Variants in MAN2C1 observed in about 807,000 individuals in gnomAD.
MAN2C1 encodes mannosidase alpha class 2C member 1.
A neutral mutation model predicts 126.9 loss-of-function variants in MAN2C1; 111 were observed. The ratio of observed to expected loss-of-function variants is 0.87; its 90% CI spans 0.75 to 1.02. The LOEUF (loss-of-function observed/expected upper bound fraction) is 1.02, where lower values mean the gene tolerates loss of function less well. Among genes scored for constraint, MAN2C1 ranks in the 50% least tolerant of loss-of-function variants. The pLI is 0.00. For synonymous variants in MAN2C1, 567 were observed against 561.5 expected (o/e 1.01, Z -0.14); for missense variants, 1,363 against 1,364.4 (o/e 1.00, Z 0.02).
chr15:75,366,644 A>C, intron 3 of MAN2C1, 52 bp from the exon 4 acceptor site: 2 of 1,420,286 alleles, frequency 1.4e-6, no homozygotes, highest in Non-Finnish European at 1.9e-6. Context: ...TGGACAGTTC[A>C]GGTAAAGTGT....
chr15:75,357,937 T>C (rs1411233247), intron 21 of MAN2C1: 1 of 414,160 alleles, frequency 2.4e-6, no homozygotes, highest in East Asian at 4.9e-5. Context: ...GTATTTTTAG[T>C]AGAGATGGCG....
Position 75,356,402 on chromosome 15 carries a change from A to G in MAN2C1, c.2785T>C (p.Phe929Leu). The G allele has an allele frequency of 1.2e-6, 2 of 1,610,598 alleles. No individual in the cohort carries two copies. Among genetic ancestry groups the G allele is most frequent in the Non-Finnish European group, 1.7e-6 (2 of 1,178,824 alleles). ...GVIQAAYSLNFPLLALPAPSP... is the reference protein window; with the variant it reads ...GVIQAAYSLNLPLLALPAPSP... ...GGGGCTGGCAGAGCCAACAGGGGGA[A>G]GTTTAGGCTGTAGGCAGCTTGGATA... Residue 929 changes from phenylalanine (F) to leucine (L), a missense_variant, in exon 24 of 26, where the codon TTC becomes CTC. By Grantham distance (22) the Phe-to-Leu change is conservative. Transcript: ENST00000267978. The surrounding 1 kb of genome is among the most constrained non-coding windows in gnomAD (Gnocchi z 5.8).
rs915180438 is a variant in MAN2C1 at position 75,362,834 on chromosome 15, C to A, written c.791-86G>T. On this transcript the variant is annotated intron_variant, in intron 6 of 25. Transcript: ENST00000267978. This position sits in a 1 kb window ranked among gnomAD's most constrained non-coding sequence, Gnocchi z 4.5. ...GACTCCAGAGGGTCACCTAGCCCCC[C>A]TCCCATCCCAGGCCCTTCACCCTGG... 1 of 1,124,958 alleles carries A rather than the reference C, an allele frequency of 8.9e-7. No homozygotes were observed. Among genetic ancestry groups the A allele is most frequent in the Non-Finnish European group, 1.3e-6 (1 of 753,022 alleles). 69.7% of individuals were successfully genotyped at this position (1,124,958 alleles called of 1,614,324 possible). A position where few individuals can be genotyped will look rare whatever the true frequency, so the allele number is the denominator to read the frequency against.
chr15:75,367,695 G>C lies in MAN2C1; in HGVS notation c.228-61C>G, dbSNP rs184650998. ...AAGTCCTATCCTGATATCCTTCCTT[G>C]GATAAAGTGTCGGCAGGGGCTTGAA... On this transcript the variant is annotated intron_variant, in intron 2 of 25. Coordinates refer to ENST00000267978, the MANE Select transcript of MAN2C1 (RefSeq NM_006715.4). 35 of 1,597,432 alleles carry C rather than the reference G, an allele frequency of 2.2e-5. No homozygotes were observed. The African/African-American group carries it at 3.8e-4, about 17-fold the overall frequency.
In MAN2C1 at chr15:75,362,693, G is replaced by A. The variant is rs764314594; in HGVS notation, c.846C>T (p.Thr282=). ...GGTTCCGCTCCATGAGCTGCAGGGC[G>A]GTCACCCAGCTCCGGGCACATTTCC... ...TVRKCARSWV[T]ALQLMERNPE... is the part of the protein sequence containing the mutation. The change falls in exon 7 of 26, where the codon ACC becomes ACT. Residue 282 remains threonine (T), a synonymous_variant. Transcript: ENST00000267978. This position sits in a 1 kb window ranked among gnomAD's most constrained non-coding sequence, Gnocchi z 4.5. 33 of 1,613,992 alleles carry A rather than the reference G, an allele frequency of 2.0e-5. No individual in the cohort carries two copies. The highest frequency in any genetic ancestry group is 8.8e-5 in the South Asian group (8 of 91,088).
At position 75,362,939 on chromosome 15, in the gene MAN2C1, G is replaced by A. The variant is rs114099271; in HGVS notation, c.791-191C>T. The A allele has an allele frequency of 9.6e-4, 571 of 593,522 alleles. 1 individual carries two copies. The highest frequency in any genetic ancestry group is 9.1e-3 in the African/African-American group (489 of 53,830). The allele number at this position is 593,522 out of a possible 1,614,324, so 36.8% of individuals were successfully genotyped here. ...GGAGGAGGGGCTGGGGAAAGGAGGC[G>A]GCAGTGCTATGAGGCCAATTATACA... is the stretch of plus-strand genomic sequence containing the variant. On this transcript the variant is annotated intron_variant, in intron 6 of 25. Coordinates refer to ENST00000267978, the MANE Select transcript of MAN2C1 (RefSeq NM_006715.4). The surrounding 1 kb of genome is among the most constrained non-coding windows in gnomAD (Gnocchi z 4.5).
Position 75,364,631 on chromosome 15 carries a change from G to A in MAN2C1, c.457C>T (p.Leu153Phe), listed in dbSNP as rs1434317739. Residue 153 changes from leucine (L) to phenylalanine (F), a missense_variant, in exon 5 of 26, where the codon CTC becomes TTC. Transcript: ENST00000267978. ...TLYVEVACNG[L>F]LGAGKGSMIA... ...ATGCTTCCCTTCCCGGCCCCCAGGAGCCCATTGCAGGCTACTTCCACATAG... is the reference window on the plus strand; with the variant it reads ...ATGCTTCCCTTCCCGGCCCCCAGGAACCCATTGCAGGCTACTTCCACATAG... The A allele has an allele frequency of 1.2e-6, 2 of 1,613,346 alleles. No homozygotes were observed. The highest frequency in any genetic ancestry group is 1.7e-6 in the Non-Finnish European group (2 of 1,179,646).
At position 75,360,183 on chromosome 15, in the gene MAN2C1, C is replaced by T. The variant is rs760365471; in HGVS notation, c.1613G>A (p.Arg538Gln). 8.1e-6 allele frequency: 13 copies of T among 1,611,928 alleles called. No individual in the cohort carries two copies. In the African/African-American group the frequency reaches 9.3e-5, roughly 12 times the overall value. The change falls in exon 14 of 26, where the codon CGG becomes CAG. Residue 538 changes from arginine (R) to glutamine (Q), a missense_variant. Arg to Gln is a conservative substitution (Grantham distance 43). Coordinates refer to ENST00000267978, the MANE Select transcript of MAN2C1 (RefSeq NM_006715.4). ...QIKKGNRECE[R>Q]ILHDVELLSS... The stretch of plus-strand genomic sequence containing the variant: ...GAGCAGCTCCACGTCGTGCAGGATC[C>T]GCTCACATTCCCGGTTCCCCTTCTT...
intron 1 of MAN2C1, 70 bp from the exon 2 acceptor site, chr15:75,368,268 T>C: frequency 3.3e-6 from 5 of 1,531,714 alleles, no homozygotes; most frequent in Non-Finnish European, 4.4e-6. Context: ...AGCTGGCCGG[T>C]GGGGCCGCAC....
rs199696370 is a variant in MAN2C1 at position 75,362,389 on chromosome 15, G to A, written c.962C>T (p.Ala321Val). 1.2e-5 allele frequency: 20 copies of A among 1,613,802 alleles called. No individual in the cohort carries two copies. The highest frequency in any genetic ancestry group is 6.7e-5 in the Admixed American group (4 of 59,996). ...CACAGGCACAAACTGCCCACGGCAC[G>A]CAAACTCCTGGATGCGGGAGTACAG... ...PGLYSRIQEF[A>V]CRGQFVPVGG... Residue 321 changes from alanine (A) to valine (V), a missense_variant, in exon 8 of 26, where the codon GCG becomes GTG. Physicochemically the swap from Ala to Val is moderately conservative, Grantham distance 64. Around this residue, in one of 3 missense-constraint regions of MAN2C1, gnomAD observed 628 missense variants for 609.8 expected, o/e 1.03. Transcript: ENST00000267978. The surrounding 1 kb of genome is among the most constrained non-coding windows in gnomAD (Gnocchi z 4.5).
At position 75,356,752 on chromosome 15, in the gene MAN2C1, T is replaced by C. The variant is rs760862160; in HGVS notation, c.2657+41A>G. On this transcript the variant is annotated intron_variant, in intron 22 of 25. Coordinates refer to ENST00000267978, the MANE Select transcript of MAN2C1 (RefSeq NM_006715.4). This position sits in a 1 kb window ranked among gnomAD's most constrained non-coding sequence, Gnocchi z 5.8. Reference sequence around the variant, plus strand: ...GGAGTTGTGGTCGGGAAGACCCATTTCTCCATGCCAGCTCCCAGGCCTGGT... The same window carrying C: ...GGAGTTGTGGTCGGGAAGACCCATTCCTCCATGCCAGCTCCCAGGCCTGGT... The C allele has an allele frequency of 6.2e-7, 1 of 1,612,794 alleles. No homozygotes were observed. The highest frequency in any genetic ancestry group is 1.1e-5 in the South Asian group (1 of 91,046).
Position 75,356,570 on chromosome 15 carries a change from G to A in MAN2C1, c.2737+36C>T. ...TCAGGGAAGGGCAGAGAGGTGTCTAGGGCTGCAGGAAGGCCCCACCGTCCC... is the reference window on the plus strand; with the variant it reads ...TCAGGGAAGGGCAGAGAGGTGTCTAAGGCTGCAGGAAGGCCCCACCGTCCC... On this transcript the variant is annotated intron_variant, in intron 23 of 25. Coordinates refer to ENST00000267978, the MANE Select transcript of MAN2C1 (RefSeq NM_006715.4). The surrounding 1 kb of genome is among the most constrained non-coding windows in gnomAD (Gnocchi z 5.8). 6.4e-7 allele frequency: 1 copy of A among 1,552,968 alleles called. No individual in the cohort carries two copies. The highest frequency in any genetic ancestry group is 8.7e-7 in the Non-Finnish European group (1 of 1,148,140).
At position 75,356,364 on chromosome 15, in the gene MAN2C1, G is replaced by C; in HGVS notation, c.2823C>G (p.Pro941=). The stretch of plus-strand genomic sequence containing the variant: ...CGGAAAACGCACTCCAGGAGGTGGC[G>C]GGCGCTGGGCTGGGGGCTGGCAGAG... ...LLALPAPSPA[P]ATSWSAFSVS... The change falls in exon 24 of 26, where the codon CCC becomes CCG. Residue 941 remains proline (P), a synonymous_variant. Transcript: ENST00000267978. This position sits in a 1 kb window ranked among gnomAD's most constrained non-coding sequence, Gnocchi z 5.8. 6.2e-7 allele frequency: 1 copy of C among 1,611,874 alleles called. No individual in the cohort carries two copies. Among genetic ancestry groups the C allele is most frequent in the Non-Finnish European group, 8.5e-7 (1 of 1,179,246 alleles).
intron 3 of MAN2C1, 80 bp downstream of exon 3, chr15:75,367,431 C>T: frequency 6.5e-7 from 1 of 1,536,956 alleles, no homozygotes; most frequent in Non-Finnish European, 8.8e-7. Flanking sequence ...TGTGGCTTCT[C>T]CAGAGTCCAC....
In MAN2C1 at chr15:75,361,356, A is replaced by T; in HGVS notation, c.1244T>A (p.Leu415Gln). The change falls in exon 11 of 26, where the codon CTG (leucine) becomes CAG (glutamine). Residue 415 changes from leucine (L) to glutamine (Q), a missense_variant. Coordinates refer to ENST00000267978, the MANE Select transcript of MAN2C1 (RefSeq NM_006715.4). The surrounding 1 kb of genome is among the most constrained non-coding windows in gnomAD (Gnocchi z 5.0). ...GTGGACCAGTACACGGGAGCCATCC[A>T]GGCCCTCCCAGAAAAATGTATGGTG... is the stretch of plus-strand genomic sequence containing the variant. ...FPHHTFFWEG[L>Q]DGSRVLVHFP... The T allele has an allele frequency of 6.4e-7, 1 of 1,564,588 alleles. No homozygotes were observed. The highest frequency in any genetic ancestry group is 8.7e-7 in the Non-Finnish European group (1 of 1,153,910).
At chr15:75,367,799 G>A in intron 2 of MAN2C1, 165 bp from the exon 3 acceptor site, 3 of 964,278 alleles carry the variant, frequency 3.1e-6, no homozygotes, top group Non-Finnish European at 3.0e-6. Context: ...GAAGCAAGAT[G>A]AGGGAAACAG....
chr15:75,364,816 C>T, intron 4 of MAN2C1, 151 bp from the exon 5 acceptor site: 1 of 611,350 alleles, frequency 1.6e-6, no homozygotes, highest in Non-Finnish European at 2.7e-6. Flanking sequence ...GACAAGAGTG[C>T]ATGTGGGAGG....
rs1439125208 is a variant in MAN2C1, at chr15:75,362,607, G to A, written c.897+35C>T. 2.5e-6 allele frequency: 4 copies of A among 1,600,240 alleles called. No homozygotes were observed. The highest frequency in any genetic ancestry group is 1.7e-5 in the Admixed American group (1 of 59,868). On this transcript the variant is annotated intron_variant, in intron 7 of 25. Transcript: ENST00000267978. The surrounding 1 kb of genome is among the most constrained non-coding windows in gnomAD (Gnocchi z 4.5). ...CCTGTGGAGCTCCAGGGAGGGCCAC[G>A]TGCTTCCCTCCTCCCTCACAGCTGT...
At position 75,361,609 on chromosome 15, in the gene MAN2C1, A is replaced by G. The variant is rs1257175083; in HGVS notation, c.1213T>C (p.Phe405Leu). Reference sequence around the variant, plus strand: ...CCCCCCGGGGGCCTGCTTACTGGGAAGGAGTTCACCAAATTCCAGCTCAAT... The same window carrying G: ...CCCCCCGGGGGCCTGCTTACTGGGAGGGAGTTCACCAAATTCCAGCTCAAT... ...QKLSWNLVNS[F>L]PHHTFFWEGL... is the part of the protein sequence containing the mutation. Residue 405 changes from phenylalanine to leucine, a missense_variant, in exon 10 of 26, where the codon TTC becomes CTC. By Grantham distance (22) the Phe-to-Leu change is conservative. Transcript: ENST00000267978. This position sits in a 1 kb window ranked among gnomAD's most constrained non-coding sequence, Gnocchi z 5.0. The G allele has an allele frequency of 1.2e-6, 2 of 1,612,958 alleles. No individual in the cohort carries two copies. The highest frequency in any genetic ancestry group is 1.1e-5 in the South Asian group (1 of 91,044).
Sources: allele counts gnomAD v4.1 joint callset, GRCh38; gene constraint gnomAD v4.1.1; regional missense constraint gnomAD v4.1.1; non-coding constraint Gnocchi (gnomAD v3.1); transcripts MANE v1.5; gene names NCBI Gene and HGNC (gene_info 2026-07-23, HGNC 2026-07-21).